FAM178B: variants seen among roughly 807,000 people sequenced by gnomAD.
FAM178B encodes the protein family with sequence similarity 178 member B.
Under a neutral mutation model 91.7 loss-of-function variants are expected in FAM178B, and 82 were observed. That is an observed-to-expected ratio of 0.89 (90% CI 0.75 to 1.07). FAM178B has a LOEUF of 1.07. FAM178B is among the 50% of genes least tolerant of loss of function. The pLI is 0.00. For missense variants in FAM178B, 769 were observed against 846.7 expected (o/e 0.91, Z 1.14); for synonymous variants, 368 against 359.4 (o/e 1.02, Z -0.27).
intron 7 of FAM178B, among the ~76,000 whole-genome samples, chr2:96,949,743 C>T (rs575661804): frequency 6.6e-6 from 1 of 152,352 alleles, no homozygotes; most frequent in Non-Finnish European, 1.5e-5. Flanking sequence ...GCTTTTGTCT[C>T]TCCTTCCTGC....
chr2:96,945,453 G>A (rs917267234), intron 8 of FAM178B, among the ~76,000 whole-genome samples: 1 of 152,134 alleles, frequency 6.6e-6, no homozygotes, highest in Non-Finnish European at 1.5e-5. Flanking sequence ...AAGAACTGCT[G>A]GTCACCACAA....
At chr2:96,923,440 C>T in intron 10 of FAM178B, 50 bp downstream of exon 10, 1 of 1,408,836 alleles carries the variant, frequency 7.1e-7, no homozygotes, top group Non-Finnish European at 9.8e-7. Context: ...CTGAATGGGT[C>T]TGAACTGTAA....
chr2:96,898,223 G>A, intron 13 of FAM178B: 1 of 696,154 alleles, frequency 1.4e-6, no homozygotes, highest in Non-Finnish European at 1.8e-6. Flanking sequence ...CCTCCTGTCT[G>A]TGAACCGGGA....
chr2:96,963,440 GC>G (rs2082107658), intron 5 of FAM178B, among the ~76,000 whole-genome samples: 1 of 152,168 alleles, frequency 6.6e-6, no homozygotes, highest in Admixed American at 6.5e-5. Context: ...GCCCCACCAT[GC>G]CCATCCACAT....
At chr2:96,889,869 T>C (rs1208723527) in intron 14 of FAM178B, among the ~76,000 whole-genome samples, 1 of 151,730 alleles carries the variant, frequency 6.6e-6, no homozygotes, top group African/African-American at 2.4e-5. Flanking sequence ...CCCGTTGAGA[T>C]GGCTCATGCC....
chr2:96,929,259 C>CTGTACCCTCTGTGGAGGGTGTGG lies in FAM178B; in HGVS notation c.1139_1140insCCACACCCTCCACAGAGGGTACA (p.Gly381HisfsTer34). The CTGTACCCTCTGTGGAGGGTGTGG allele has an allele frequency of 6.4e-7, 1 of 1,551,638 alleles. No individual in the cohort carries two copies. The highest frequency in any genetic ancestry group is 8.7e-7 in the Non-Finnish European group (1 of 1,146,948). ...GGTACAGGGCAGGACTGTGGGCACC[C>CTGTACCCTCTGTGGAGGGTGTGG]AGGCTGTGGAATGCCTCCCTGACTT... On this transcript the variant is annotated frameshift_variant, in exon 9 of 17. Transcript: ENST00000490605. LOFTEE classifies it high-confidence loss of function.
intron 4 of FAM178B, among the ~76,000 whole-genome samples, chr2:96,967,913 T>TTC (rs1174359109): frequency 1.3e-5 from 1 of 78,370 alleles, no homozygotes; most frequent in African/African-American, 1.2e-4. Context: ...TGTTTGGTCT[T>TTC]TTTTTTTTTT....
chr2:96,900,929 C>T (rs1416123292), intron 13 of FAM178B, among the ~76,000 whole-genome samples: 1 of 152,166 alleles, frequency 6.6e-6, no homozygotes, highest in Non-Finnish European at 1.5e-5. Context: ...GATGCACAGC[C>T]TCTAGCCAGA....
chr2:96,969,313 A>G (rs2082186528), intron 4 of FAM178B, among the ~76,000 whole-genome samples: 1 of 152,224 alleles, frequency 6.6e-6, no homozygotes, highest in African/African-American at 2.4e-5. Context: ...AGGTCATAGG[A>G]CAGGCCCTGA....
rs140371487 is a variant in FAM178B, at chr2:96,948,379, T to C, written c.994-477A>G. ...GTCAGCGCCTTAACACACTGTCATC[T>C]GAGACCACCAGCTTAGACGGTCCTT... is the stretch of plus-strand genomic sequence containing the variant. On this transcript the variant is annotated intron_variant, in intron 7 of 16. Transcript: ENST00000490605. Among the ~76,000 whole-genome samples, 553 of 152,354 alleles carry C rather than the reference T, an allele frequency of 3.6e-3. 12 individuals carry two copies. Among genetic ancestry groups the C allele is most frequent in the Non-Finnish European group, 7.4e-4 (50 of 68,024 alleles).
At chr2:96,933,599 C>T (rs1264628499) in intron 8 of FAM178B, among the ~76,000 whole-genome samples, 4 of 152,162 alleles carry the variant, frequency 2.6e-5, no homozygotes, top group Non-Finnish European at 4.4e-5. Context: ...CCCTCGTGCC[C>T]TGAGTCCTCA....
intron 5 of FAM178B, among the ~76,000 whole-genome samples, chr2:96,960,700 C>T (rs1051265844): frequency 2.6e-5 from 4 of 152,256 alleles, no homozygotes; most frequent in Non-Finnish European, 5.9e-5. Context: ...ACCCCACCCA[C>T]TGGATCTGTC....
At chr2:96,882,047 G>T (rs531010378) in intron 14 of FAM178B, among the ~76,000 whole-genome samples, 5 of 152,086 alleles carry the variant, frequency 3.3e-5, no homozygotes, top group African/African-American at 1.2e-4. Context: ...TAGGGATTTT[G>T]AAAAGAAGCC....
Position 96,893,982 on chromosome 2 carries a change from GCA to G in FAM178B, c.1718_1719del (p.Val573AlafsTer13), listed in dbSNP as rs772012759. 1.9e-6 allele frequency: 3 copies of G among 1,612,860 alleles called. No homozygotes were observed. The South Asian group carries it at 3.3e-5, about 18-fold the overall frequency. ...PSSLRQYLDSVPLPPCQEQQP... is the reference protein window; with the variant it reads ...PSSLRQYLDSXPLPPCQEQQP... ...TGTTGCTCCTGGCAGGGTGGCAAGG[GCA>G]CAGAGTCCAGGTATTGCCTGAGAGA... On this transcript the variant is annotated frameshift_variant, in exon 14 of 17. Coordinates refer to ENST00000490605, the MANE Select transcript of FAM178B (RefSeq NM_001122646.3). LOFTEE classifies it high-confidence loss of function.
chr2:96,909,148 A>G (rs561940256), intron 12 of FAM178B, among the ~76,000 whole-genome samples: 1,923 of 117,142 alleles, frequency 0.016, 41 homozygotes, highest in African/African-American at 0.056. Flanking sequence ...GTCTCAAAAA[A>G]AAAAAAAAAA....
At chr2:96,986,150 G>C in intron 1 of FAM178B, 91 bp downstream of exon 1, 1 of 1,523,560 alleles carries the variant, frequency 6.6e-7, no homozygotes, top group Non-Finnish European at 8.8e-7. Flanking sequence ...TGACCTGCAA[G>C]GCCTGGACCA....
intron 1 of FAM178B, among the ~76,000 whole-genome samples, chr2:96,984,908 G>C (rs2082404469): frequency 6.6e-6 from 1 of 152,174 alleles, no homozygotes; most frequent in Admixed American, 6.5e-5. Flanking sequence ...GGCCATGGCT[G>C]ACTCCTTCAT....
chr2:96,926,849 G>A (rs192235001), intron 9 of FAM178B, among the ~76,000 whole-genome samples: 6 of 152,342 alleles, frequency 3.9e-5, no homozygotes, highest in African/African-American at 1.2e-4. Context: ...GCCCAGTTAC[G>A]GTGGGGACAT....
intron 9 of FAM178B, among the ~76,000 whole-genome samples, chr2:96,928,272 C>T (rs1022624744): frequency 4.6e-5 from 7 of 152,206 alleles, no homozygotes; most frequent in African/African-American, 1.7e-4. Flanking sequence ...TGTTCCATCT[C>T]AAATCACCTT....
Sources: allele counts gnomAD v4.1 joint callset (sites outside exome capture counted in the v4.1 genomes callset), GRCh38; gene constraint gnomAD v4.1.1; transcripts MANE v1.5; gene names NCBI Gene and HGNC (gene_info 2026-07-23, HGNC 2026-07-21).